The following TRPM8 variants were observed in gnomAD, a reference collection of about 807,000 sequenced individuals.
TRPM8 encodes the protein TRPM8 cationic channel.
TRPM8 carries 110 observed loss-of-function variants against 133.7 expected under a neutral mutation model. The ratio of observed to expected loss-of-function variants is 0.82; its 90% CI spans 0.70 to 0.96. TRPM8 has a LOEUF of 0.96. Among genes scored for constraint, TRPM8 ranks in the 40% least tolerant of loss-of-function variants. The pLI is 0.00. For missense variants in TRPM8, 1,291 were observed against 1,379.5 expected, an observed-to-expected ratio of 0.94 and a Z score of 1.02; for synonymous variants, 535 against 532.3, an observed-to-expected ratio of 1.01 and a Z score of -0.07.
intron 22 of TRPM8, among the ~76,000 whole-genome samples, chr2:234,003,717 A>G (rs1217905651): frequency 6.6e-6 from 1 of 152,234 alleles, no homozygotes; most frequent in Non-Finnish European, 1.5e-5. Context: ...ATTTTGATTC[A>G]GTACAAAGAA....
intron 24 of TRPM8, 106 bp from the exon 25 acceptor site, chr2:234,014,456 A>G (rs544661614): frequency 1.7e-6 from 1 of 589,504 alleles, no homozygotes; most frequent in Admixed American, 4.2e-5. Flanking sequence ...CATGCTTGCT[A>G]TTTAGTAGAC....
chr2:233,932,443 G>C (rs1691699129), intron 3 of TRPM8, among the ~76,000 whole-genome samples: 1 of 151,894 alleles, frequency 6.6e-6, no homozygotes, highest in South Asian at 2.1e-4. Flanking sequence ...AATCCCTGGG[G>C]CTGGAGGATG....
chr2:233,959,162 A>G (rs1165317640), intron 11 of TRPM8, among the ~76,000 whole-genome samples: 1 of 150,734 alleles, frequency 6.6e-6, no homozygotes, highest in Non-Finnish European at 1.5e-5. Context: ...AGTAGCTGGG[A>G]TTACAGGCGT....
chr2:233,993,080 G>A (rs1327684327), intron 21 of TRPM8, among the ~76,000 whole-genome samples: 1 of 152,208 alleles, frequency 6.6e-6, no homozygotes, highest in Admixed American at 6.5e-5. Context: ...TGGGTCAGCT[G>A]TACCTCGGTG....
rs149004459 is a variant in TRPM8, at chr2:233,931,344, G to A, written c.191+603G>A. ...ATTTGAATCTAATTAAACAATTTTCGTCCTACCTCCCACTCTCCTTATTCC... is the reference window on the plus strand; with the variant it reads ...ATTTGAATCTAATTAAACAATTTTCATCCTACCTCCCACTCTCCTTATTCC... On this transcript the variant is annotated intron_variant, in intron 3 of 25. Transcript: ENST00000324695. Among the ~76,000 whole-genome samples, 11 of 152,230 alleles carry A rather than the reference G, an allele frequency of 7.2e-5. No homozygotes were observed. In the East Asian group the frequency reaches 1.7e-3, roughly 24 times the overall value.
At chr2:233,947,004 A>G in intron 7 of TRPM8, 84 bp from the exon 8 acceptor site, 1 of 1,247,468 alleles carries the variant, frequency 8.0e-7, no homozygotes. Context: ...CTCACAGGGC[A>G]GAAGCTCTTG....
chr2:234,013,735 C>T (rs1420342513), intron 24 of TRPM8: 1 of 152,136 alleles, frequency 6.6e-6, no homozygotes, highest in East Asian at 1.9e-4. Flanking sequence ...TACAAAATTT[C>T]CCCATCTCCT....
rs569464874 is a variant in TRPM8 at position 233,969,291 on chromosome 2, A to C, written c.2026-404A>C. On this transcript the variant is annotated intron_variant, in intron 15 of 25. Coordinates refer to ENST00000324695, the MANE Select transcript of TRPM8 (RefSeq NM_024080.5). ...TCGGGAGTTTGTGACCAGCCTGACC[A>C]ACATGGAGAAATCCCGTCACTACCA... 3.3e-5 allele frequency among the ~76,000 whole-genome samples: 5 copies of C among 151,852 alleles called. No individual in the cohort carries two copies. In the South Asian group the frequency reaches 1.0e-3, roughly 32 times the overall value.
chr2:233,987,672 A>G (rs1692178085), intron 21 of TRPM8, among the ~76,000 whole-genome samples: 1 of 152,182 alleles, frequency 6.6e-6, no homozygotes. Flanking sequence ...TCACCGATGT[A>G]GTTTGGCTGT....
intron 22 of TRPM8, among the ~76,000 whole-genome samples, chr2:233,997,910 T>A (rs533522908): frequency 3.3e-5 from 5 of 152,244 alleles, no homozygotes; most frequent in African/African-American, 4.8e-5. Context: ...GGAGCCAGCA[T>A]CCAGCTCTCT....
At chr2:233,961,350 G>C (rs964502555) in intron 12 of TRPM8, among the ~76,000 whole-genome samples, 11 of 152,164 alleles carry the variant, frequency 7.2e-5, no homozygotes, top group Admixed American at 1.3e-4. Flanking sequence ...CTGTCACCAA[G>C]GCTAGAGTGC....
At chr2:234,006,300 A>G (rs896808461) in intron 22 of TRPM8, among the ~76,000 whole-genome samples, 9 of 152,144 alleles carry the variant, frequency 5.9e-5, no homozygotes, top group Non-Finnish European at 1.2e-4. Context: ...TAAAAATCTT[A>G]CTGGAATATG....
chr2:233,976,936 G>T (rs1691886614), intron 17 of TRPM8, among the ~76,000 whole-genome samples: 1 of 152,074 alleles, frequency 6.6e-6, no homozygotes, highest in Admixed American at 6.6e-5. Flanking sequence ...TTTCCTCTAA[G>T]AAATAGTTCT....
At chr2:233,954,561 G>T (rs1691246618) in intron 10 of TRPM8, among the ~76,000 whole-genome samples, 1 of 152,200 alleles carries the variant, frequency 6.6e-6, no homozygotes, top group South Asian at 2.1e-4. Flanking sequence ...GTCTAGACTT[G>T]AATTGTGTGA....
chr2:233,964,892 AC>A, intron 14 of TRPM8, 135 bp downstream of exon 14: 1 of 869,998 alleles, frequency 1.1e-6, no homozygotes, highest in Non-Finnish European at 1.6e-6. Context: ...AGGGCTGCAG[AC>A]CACAAGGTCT....
intron 11 of TRPM8, 170 bp downstream of exon 11, chr2:233,955,420 C>T (rs1472215690): frequency 3.8e-5 from 21 of 554,832 alleles, no homozygotes; most frequent in Admixed American, 3.5e-4. Flanking sequence ...AGCATGGAAT[C>T]ATAACATTGA....
chr2:234,002,074 T>C (rs978098310), intron 22 of TRPM8, among the ~76,000 whole-genome samples: 13 of 152,164 alleles, frequency 8.5e-5, no homozygotes, highest in Admixed American at 2.6e-4. Context: ...GGGGTTGTGA[T>C]GGCCACAGAG....
chr2:233,942,085 TTTTTTTC>T (rs1312539402), intron 5 of TRPM8, among the ~76,000 whole-genome samples: 1 of 142,668 alleles, frequency 7.0e-6, no homozygotes, highest in African/African-American at 2.9e-5. Flanking sequence ...TTTTTTTTTT[TTTTTTTC>T]TTTTTGAGAT....
chr2:233,962,303 C>G (rs1432260161), intron 12 of TRPM8, among the ~76,000 whole-genome samples: 1 of 152,160 alleles, frequency 6.6e-6, no homozygotes, highest in Non-Finnish European at 1.5e-5. Context: ...ACAAATACCC[C>G]CACTTGAAGG....
Sources: gnomAD v4.1 joint callset for allele counts (sites outside exome capture counted in the v4.1 genomes callset) on GRCh38, gnomAD v4.1.1 for gene constraint, MANE v1.5 for transcripts, NCBI Gene and HGNC (gene_info 2026-07-23, HGNC 2026-07-21) for gene names.